The following SH3BP5 variants were observed in gnomAD, a reference collection of about 807,000 sequenced individuals.
The protein encoded by SH3BP5 is SH3 domain binding protein 5, also known as SH3 domain-binding protein 5.
Under a neutral mutation model 43.3 loss-of-function variants are expected in SH3BP5, and 22 were observed. The observed-to-expected ratio is 0.51, with a 90% CI of 0.36 to 0.73. SH3BP5 has a LOEUF of 0.73. Among genes scored for constraint, SH3BP5 ranks in the 30% least tolerant of loss-of-function variants. The pLI is 0.00. For synonymous variants in SH3BP5, 255 were observed against 225.8 expected, an observed-to-expected ratio of 1.13 and a Z score of -1.16; for missense variants, 529 against 586.9, an observed-to-expected ratio of 0.90 and a Z score of 1.02.
chr3:15,260,017 T>C (rs1696374903), intron 5 of SH3BP5: 1 of 592,452 alleles, frequency 1.7e-6, no homozygotes, highest in Non-Finnish European at 3.0e-6. Flanking sequence ...CAGGGCTATA[T>C]TAACAGGAGG....
At chr3:15,280,852 C>T (rs959157333) in intron 3 of SH3BP5, among the ~76,000 whole-genome samples, 38 of 152,338 alleles carry the variant, frequency 2.5e-4, no homozygotes, top group African/African-American at 9.1e-4. Flanking sequence ...AAAACACCAG[C>T]ATCTCTTAAG....
chr3:15,280,967 G>A (rs367608835), intron 3 of SH3BP5, among the ~76,000 whole-genome samples: 2 of 152,226 alleles, frequency 1.3e-5, no homozygotes, highest in East Asian at 1.9e-4. Flanking sequence ...AGGGAGTGGA[G>A]AGCCCTGCTT....
At chr3:15,272,342 T>C (rs1696826423) in intron 3 of SH3BP5, among the ~76,000 whole-genome samples, 1 of 152,118 alleles carries the variant, frequency 6.6e-6, no homozygotes, top group African/African-American at 2.4e-5. Context: ...AATACAACGC[T>C]GTATGTGACA....
At chr3:15,331,701 C>A (rs1698613282) in intron 1 of SH3BP5, 1 of 152,332 alleles carries the variant, frequency 6.6e-6, no homozygotes, top group South Asian at 2.1e-4. Context: ...TCAAGCCAGG[C>A]AGAACGTTGA....
intron 2 of SH3BP5, among the ~76,000 whole-genome samples, chr3:15,322,311 T>A (rs1698348706): frequency 6.6e-6 from 1 of 152,028 alleles, no homozygotes. Flanking sequence ...ATATTTTATG[T>A]ATAGTTTTTT....
At chr3:15,311,739 T>A (rs1197055519) in intron 2 of SH3BP5, among the ~76,000 whole-genome samples, 3 of 152,096 alleles carry the variant, frequency 2.0e-5, no homozygotes, top group African/African-American at 7.2e-5. Context: ...AGTGTCGCAA[T>A]CATGGCTCAC....
At chr3:15,321,827 AAT>A (rs1698333912) in intron 2 of SH3BP5, among the ~76,000 whole-genome samples, 1 of 152,248 alleles carries the variant, frequency 6.6e-6, no homozygotes, top group Admixed American at 6.5e-5. Flanking sequence ...AAAAAAAAAA[AAT>A]CTAAAGTCTT....
At chr3:15,306,846 G>A (rs968832590) in intron 2 of SH3BP5, among the ~76,000 whole-genome samples, 3 of 151,456 alleles carry the variant, frequency 2.0e-5, no homozygotes, top group Non-Finnish European at 2.9e-5. Flanking sequence ...TTTTTTTTTC[G>A]TATTTTCAGT....
chr3:15,318,667 A>G (rs1482908102), intron 2 of SH3BP5, among the ~76,000 whole-genome samples: 5 of 152,080 alleles, frequency 3.3e-5, no homozygotes, highest in African/African-American at 4.8e-5. Context: ...GGTTCAAACG[A>G]TTCTTGTGCC....
At chr3:15,291,280 T>C (rs548831551) in intron 3 of SH3BP5, among the ~76,000 whole-genome samples, 2 of 152,104 alleles carry the variant, frequency 1.3e-5, no homozygotes, top group South Asian at 4.2e-4. Context: ...GGAGCCAGGG[T>C]TCCTCCACAG....
intron 3 of SH3BP5, among the ~76,000 whole-genome samples, chr3:15,302,957 C>T (rs1697794557): frequency 1.3e-5 from 2 of 152,186 alleles, no homozygotes; most frequent in Non-Finnish European, 1.5e-5. Context: ...TACAGGCGCC[C>T]ACCACCATAC....
chr3:15,267,114 A>C (rs1035551682), intron 4 of SH3BP5, among the ~76,000 whole-genome samples: 3 of 152,238 alleles, frequency 2.0e-5, no homozygotes, highest in Admixed American at 2.0e-4. Context: ...GGGAGGAGAC[A>C]TTCTCTAGCC....
At chr3:15,331,008 A>G (rs1490471426) in intron 1 of SH3BP5, among the ~76,000 whole-genome samples, 1 of 148,024 alleles carries the variant, frequency 6.8e-6, no homozygotes, top group Admixed American at 6.9e-5. Context: ...TTAACTCACC[A>G]GAATTATTTT....
upstream of SH3BP5, among the ~76,000 whole-genome samples, chr3:15,334,298 A>C (rs578192634): frequency 4.6e-5 from 7 of 152,212 alleles, no homozygotes; most frequent in Non-Finnish European, 5.9e-5. Context: ...TAAAATGAGA[A>C]AAATAAATAA....
intron 4 of SH3BP5, among the ~76,000 whole-genome samples, chr3:15,267,430 G>A (rs1352748693): frequency 6.6e-6 from 1 of 152,202 alleles, no homozygotes; most frequent in Non-Finnish European, 1.5e-5. Context: ...TGTTCAATGA[G>A]GGGCATTTCC....
At chr3:15,260,060 A>G (rs1016625807) in intron 5 of SH3BP5, 6 of 531,460 alleles carry the variant, frequency 1.1e-5, no homozygotes, top group African/African-American at 5.7e-5. Flanking sequence ...CCACACACAC[A>G]TATCTTGGGG....
intron 3 of SH3BP5, among the ~76,000 whole-genome samples, chr3:15,289,469 G>A (rs1203145922): frequency 2.0e-5 from 3 of 152,232 alleles, no homozygotes; most frequent in Non-Finnish European, 2.9e-5. Context: ...ATATTAGGAT[G>A]TGAGCAGCAA....
At chr3:15,327,685 C>G (rs550835861) in intron 2 of SH3BP5, among the ~76,000 whole-genome samples, 1 of 152,366 alleles carries the variant, frequency 6.6e-6, no homozygotes, top group African/African-American at 2.4e-5. Flanking sequence ...AGGTCTTTGT[C>G]TTGTTCACCC....
chr3:15,267,808 G>A (rs1696685674), intron 4 of SH3BP5, among the ~76,000 whole-genome samples: 1 of 152,152 alleles, frequency 6.6e-6, no homozygotes, highest in Admixed American at 6.5e-5. Flanking sequence ...GGGGCCCTGG[G>A]ACTTAAAAAT....
Sources: allele counts gnomAD v4.1 joint callset (sites outside exome capture counted in the v4.1 genomes callset), GRCh38; gene constraint gnomAD v4.1.1; transcripts MANE v1.5; gene names NCBI Gene and HGNC (gene_info 2026-07-23, HGNC 2026-07-21).